The following GRAMD1B variants were observed in gnomAD, a reference collection of about 807,000 sequenced individuals.
GRAMD1B encodes the protein protein Aster-B.
Under a neutral mutation model 99.7 loss-of-function variants are expected in GRAMD1B, and 37 were observed. The ratio of observed to expected loss-of-function variants is 0.37; its 90% CI spans 0.29 to 0.49. The LOEUF (loss-of-function observed/expected upper bound fraction) is 0.49, where lower values mean the gene tolerates loss of function less well. Among genes scored for constraint, GRAMD1B ranks in the 20% least tolerant of loss-of-function variants. GRAMD1B has a pLI of 0.98. For synonymous variants in GRAMD1B, 427 were observed against 387.6 expected, an observed-to-expected ratio of 1.10 and a Z score of -1.19; for missense variants, 888 against 1,009.2, an observed-to-expected ratio of 0.88 and a Z score of 1.63.
intron 1 of GRAMD1B, among the ~76,000 whole-genome samples, chr11:123,397,357 A>G (rs1369824450): frequency 1.3e-5 from 2 of 152,190 alleles, no homozygotes; most frequent in African/African-American, 2.4e-5. Flanking sequence ...CAGTGAGCTG[A>G]GATCATGCCA....
upstream of GRAMD1B, among the ~76,000 whole-genome samples, chr11:123,426,660 G>A (rs1325140629): frequency 6.6e-6 from 1 of 152,154 alleles, no homozygotes; most frequent in Admixed American, 6.5e-5. Context: ...GGGATTGTCT[G>A]TCTTGCAACA....
intron 1 of GRAMD1B, among the ~76,000 whole-genome samples, chr11:123,439,355 C>CA (rs1949305111): frequency 1.3e-5 from 2 of 152,304 alleles, no homozygotes; most frequent in South Asian, 4.1e-4. Flanking sequence ...TCCCTGCCAC[C>CA]ATAGGCAGCA....
chr11:123,573,707 C>T (rs73615840), intron 2 of GRAMD1B, among the ~76,000 whole-genome samples: 1,562 of 152,168 alleles, frequency 0.01, 13 homozygotes, highest in African/African-American at 0.025. Context: ...GGGGATTAAA[C>T]GAAATAATAT....
At chr11:123,524,443 C>T (rs1209460298) in intron 2 of GRAMD1B, among the ~76,000 whole-genome samples, 1 of 151,822 alleles carries the variant, frequency 6.6e-6, no homozygotes, top group African/African-American at 2.4e-5. Flanking sequence ...CTGGTTCAAG[C>T]AATTGTCCTG....
intron 1 of GRAMD1B, among the ~76,000 whole-genome samples, chr11:123,377,876 G>A (rs1277373412): frequency 2.0e-5 from 3 of 152,156 alleles, no homozygotes; most frequent in East Asian, 1.9e-4. Context: ...ACCACCATGC[G>A]CTTCCAGCTG....
chr11:123,542,380 T>C (rs1944623503), intron 2 of GRAMD1B, among the ~76,000 whole-genome samples: 1 of 152,252 alleles, frequency 6.6e-6, no homozygotes. Context: ...CGTCATGGGA[T>C]GCCTTTGAGA....
rs183406491 is a variant in GRAMD1B, at chr11:123,566,625, G to T, written c.453-10742G>T. Reference sequence around the variant, plus strand: ...ACTAAAAATACAAAAAATTAGCCACGCGTGGTGGCGGGCGCCTGTAGTCCC... The same window carrying T: ...ACTAAAAATACAAAAAATTAGCCACTCGTGGTGGCGGGCGCCTGTAGTCCC... On this transcript the variant is annotated intron_variant, in intron 2 of 19. Coordinates refer to ENST00000635736, the MANE Select transcript of GRAMD1B (RefSeq NM_001387025.1). Among the ~76,000 whole-genome samples the T allele has an allele frequency of 1.5e-4, 23 of 152,302 alleles. No individual in the cohort carries two copies. In the Middle Eastern group the frequency reaches 0.01, roughly 68 times the overall value.
chr11:123,594,949 T>C (rs1246392144), intron 6 of GRAMD1B, 111 bp downstream of exon 6: 7 of 681,370 alleles, frequency 1.0e-5, no homozygotes, highest in Non-Finnish European at 1.9e-5. Context: ...CTTTGCGTAA[T>C]TAACAAAAGC....
chr11:123,481,473 C>A (rs116460231), intron 2 of GRAMD1B, among the ~76,000 whole-genome samples: 2,577 of 152,138 alleles, frequency 0.017, 40 homozygotes, highest in African/African-American at 0.031. Context: ...ACAACAACAA[C>A]AACAAACTTT....
At chr11:123,474,502 T>C (rs1189211344) in intron 1 of GRAMD1B, among the ~76,000 whole-genome samples, 3 of 152,166 alleles carry the variant, frequency 2.0e-5, no homozygotes, top group Non-Finnish European at 4.4e-5. Context: ...GAGGACTAAG[T>C]TGTGAGTAAT....
At chr11:123,549,311 G>A (rs867187615) in intron 2 of GRAMD1B, among the ~76,000 whole-genome samples, 2 of 152,102 alleles carry the variant, frequency 1.3e-5, no homozygotes, top group East Asian at 1.9e-4. Context: ...TTGGGAGGCC[G>A]AGGTGGGTGG....
chr11:123,376,774 G>A (rs1342852556), intron 1 of GRAMD1B, among the ~76,000 whole-genome samples: 1 of 152,172 alleles, frequency 6.6e-6, no homozygotes, highest in Non-Finnish European at 1.5e-5. Context: ...AGGGATGTGG[G>A]AGAACTGGGA....
chr11:123,572,934 G>T (rs1387428791), intron 2 of GRAMD1B, among the ~76,000 whole-genome samples: 3 of 149,696 alleles, frequency 2.0e-5, no homozygotes, highest in African/African-American at 7.4e-5. Context: ...GCACAAAGAG[G>T]CCCCGATGGC....
At chr11:123,429,752 C>T (rs1948781871), upstream of GRAMD1B, among the ~76,000 whole-genome samples, 1 of 152,142 alleles carries the variant, frequency 6.6e-6, no homozygotes, top group African/African-American at 2.4e-5. The surrounding 1 kb of genome is among the most constrained non-coding windows in gnomAD (Gnocchi z 4.0). Flanking sequence ...CAGCTCACGC[C>T]GCCACGGGAG....
chr11:123,453,921 A>G (rs779442967), intron 1 of GRAMD1B, among the ~76,000 whole-genome samples: 3 of 152,152 alleles, frequency 2.0e-5, no homozygotes, highest in Non-Finnish European at 4.4e-5. Context: ...AGAAACAGAA[A>G]TGTGTTTCTA....
At chr11:123,474,231 C>T (rs1951152768) in intron 1 of GRAMD1B, among the ~76,000 whole-genome samples, 1 of 151,452 alleles carries the variant, frequency 6.6e-6, no homozygotes, top group South Asian at 2.1e-4. Context: ...TTCTAATCCC[C>T]ACTGCAATGT....
At position 123,577,356 on chromosome 11, in the gene GRAMD1B, T is replaced by C. The variant is rs1948825805; in HGVS notation, c.453-11T>C. On this transcript the variant is annotated splice_polypyrimidine_tract_variant and intron_variant, in intron 2 of 19. Coordinates refer to ENST00000635736, the MANE Select transcript of GRAMD1B (RefSeq NM_001387025.1). ...TTCCACCCCGCTCCCTCTCTCCATCTGCCGCTGCAGCACTGCCAGTAACTC... is the reference window on the plus strand; with the variant it reads ...TTCCACCCCGCTCCCTCTCTCCATCCGCCGCTGCAGCACTGCCAGTAACTC... The C allele has an allele frequency of 6.4e-7, 1 of 1,568,736 alleles. No individual in the cohort carries two copies.
chr11:123,518,703 A>C (rs1317551458), intron 2 of GRAMD1B, among the ~76,000 whole-genome samples: 1 of 152,142 alleles, frequency 6.6e-6, no homozygotes, highest in African/African-American at 2.4e-5. Flanking sequence ...GGGCTGCTGT[A>C]AGAATCACTG....
chr11:123,565,070 G>A lies in GRAMD1B; in HGVS notation c.453-12297G>A, dbSNP rs570621125. The stretch of plus-strand genomic sequence containing the variant: ...TTATTTTGAGAAAGGATCTCACTCT[G>A]TTGACTAGGCTGAAGTGTAGTGGTG... On this transcript the variant is annotated intron_variant, in intron 2 of 19. Coordinates refer to ENST00000635736, the MANE Select transcript of GRAMD1B (RefSeq NM_001387025.1). Among the ~76,000 whole-genome samples, 4 of 152,270 alleles carry A rather than the reference G, an allele frequency of 2.6e-5. No individual in the cohort carries two copies. In the East Asian group the frequency reaches 7.7e-4, roughly 29 times the overall value.
Sources: gnomAD v4.1 joint callset for allele counts (sites outside exome capture counted in the v4.1 genomes callset) on GRCh38, gnomAD v4.1.1 for gene constraint, Gnocchi (gnomAD v3.1) non-coding constraint, MANE v1.5 for transcripts, NCBI Gene and HGNC (gene_info 2026-07-23, HGNC 2026-07-21) for gene names.